The following COX17 variants were observed in gnomAD, a reference collection of about 807,000 sequenced individuals.
COX17 encodes cytochrome c oxidase copper chaperone COX17.
A neutral mutation model predicts 6.3 loss-of-function variants in COX17; 1 was observed. That is an observed-to-expected ratio of 0.16 (90% CI 0.06 to 0.75). COX17 has a LOEUF of 0.75. COX17 is among the 30% of genes least tolerant of loss of function. The probability of loss-of-function intolerance (pLI) is 0.77; values close to 1 mark genes in which losing one functional copy is unlikely to be tolerated. For synonymous variants in COX17, 26 were observed against 30.5 expected, an observed-to-expected ratio of 0.85 and a Z score of 0.49; for missense variants, 73 against 81.2, an observed-to-expected ratio of 0.90 and a Z score of 0.39.
At chr3:119,673,545 G>A (rs1463696897) in intron 2 of COX17, among the ~76,000 whole-genome samples, 2 of 152,190 alleles carry the variant, frequency 1.3e-5, no homozygotes, top group Non-Finnish European at 2.9e-5. Flanking sequence ...CTACCAGACT[G>A]GCAAGTGCAG....
intron 2 of COX17, among the ~76,000 whole-genome samples, chr3:119,671,598 T>C (rs1397714360): frequency 6.6e-6 from 1 of 152,222 alleles, no homozygotes; most frequent in Non-Finnish European, 1.5e-5. Context: ...GCCAATGGCC[T>C]GTTTACTGGG....
intron 1 of COX17, among the ~76,000 whole-genome samples, chr3:119,676,522 T>G (rs2053101643): frequency 6.6e-6 from 1 of 152,254 alleles, no homozygotes; most frequent in Non-Finnish European, 1.5e-5. Flanking sequence ...ATTGACAATC[T>G]AGATGAACTA....
At chr3:119,677,179 G>A in intron 1 of COX17, 25 bp downstream of exon 1, 2 of 1,587,778 alleles carry the variant, frequency 1.3e-6, no homozygotes, top group Non-Finnish European at 1.7e-6. Flanking sequence ...CTCGTCGGCC[G>A]CGCCCTCTCC....
At chr3:119,677,091 G>A (rs1460094405) in intron 1 of COX17, 113 bp downstream of exon 1, 6 of 613,330 alleles carry the variant, frequency 9.8e-6, no homozygotes, top group Non-Finnish European at 1.7e-5. Context: ...AGGGCAGAAG[G>A]CAGAGGGCAG....
chr3:119,664,679 C>A (rs1331877877), downstream of COX17, among the ~76,000 whole-genome samples: 1 of 152,196 alleles, frequency 6.6e-6, no homozygotes, highest in African/African-American at 2.4e-5. Context: ...CATGCTGGTT[C>A]ATGCTGGGGT....
intron 2 of COX17, among the ~76,000 whole-genome samples, chr3:119,671,605 T>C (rs946804490): frequency 6.6e-6 from 1 of 152,218 alleles, no homozygotes; most frequent in Non-Finnish European, 1.5e-5. Flanking sequence ...GCCTGTTTAC[T>C]GGGTTATATG....
At chr3:119,673,599 C>T (rs1480747679) in intron 2 of COX17, among the ~76,000 whole-genome samples, 2 of 152,100 alleles carry the variant, frequency 1.3e-5, no homozygotes, top group Non-Finnish European at 2.9e-5. Context: ...TAGGACAGCA[C>T]CATGATAGAG....
downstream of COX17, among the ~76,000 whole-genome samples, chr3:119,667,148 G>A (rs185989978): frequency 3.9e-5 from 6 of 152,302 alleles, no homozygotes; most frequent in African/African-American, 1.4e-4. Context: ...AGAGAGAATA[G>A]TGTGAATATA....
chr3:119,677,354 T>C lies in COX17; in HGVS notation c.-44A>G, dbSNP rs1215019114. The C allele has an allele frequency of 2.6e-6, 4 of 1,533,670 alleles. No homozygotes were observed. In the South Asian group the frequency reaches 3.4e-5, roughly 13 times the overall value. ...CTATGAGCGGAGACAGCCAAATCTA[T>C]GCCAGCCTCGGCAAACGCCGATTCG... On this transcript the variant is annotated 5_prime_UTR_variant, in exon 1 of 3. Transcript: ENST00000261070.
intron 1 of COX17, 42 bp downstream of exon 1, chr3:119,677,161 GC>G (rs2107837055): frequency 6.5e-7 from 1 of 1,529,792 alleles, no homozygotes; most frequent in East Asian, 2.3e-5. Flanking sequence ...ACAGGCCGCG[GC>G]CCGGGGCTCG....
intron 1 of COX17, among the ~76,000 whole-genome samples, chr3:119,676,018 T>C (rs1042301445): frequency 6.6e-6 from 1 of 152,240 alleles, no homozygotes; most frequent in Non-Finnish European, 1.5e-5. Context: ...GTGAAGATAA[T>C]AGCTAGCATT....
At chr3:119,667,570 T>C, downstream of COX17, among the ~76,000 whole-genome samples, 1 of 152,062 alleles carries the variant, frequency 6.6e-6, no homozygotes, top group Non-Finnish European at 1.5e-5. Context: ...ACGCATGGCC[T>C]CTGGCCCATC....
At chr3:119,666,499 G>C (rs1311647437), downstream of COX17, among the ~76,000 whole-genome samples, 1 of 152,180 alleles carries the variant, frequency 6.6e-6, no homozygotes. Flanking sequence ...AATTGACATA[G>C]ATGGAATATC....
At chr3:119,675,118 TAC>T in intron 2 of COX17, 25 bp downstream of exon 2, 1 of 1,488,202 alleles carries the variant, frequency 6.7e-7, no homozygotes, top group South Asian at 1.1e-5. Context: ...TGTAAAGCAA[TAC>T]ACAACTTTGA....
chr3:119,668,375 A>C (rs2053012584), downstream of COX17, among the ~76,000 whole-genome samples: 1 of 152,172 alleles, frequency 6.6e-6, no homozygotes, highest in Admixed American at 6.5e-5. Flanking sequence ...CACCTAGATT[A>C]TCTCTGTAAA....
intron 1 of COX17, 82 bp from the exon 2 acceptor site, chr3:119,675,315 A>G: frequency 1.1e-6 from 1 of 941,106 alleles, no homozygotes. Flanking sequence ...GGAGTGAGAC[A>G]AAACACGGGT....
At chr3:119,672,703 A>C (rs2053057094) in intron 2 of COX17, among the ~76,000 whole-genome samples, 1 of 152,240 alleles carries the variant, frequency 6.6e-6, no homozygotes, top group Non-Finnish European at 1.5e-5. Context: ...AAGCAACTTA[A>C]GTATATCATT....
downstream of COX17, among the ~76,000 whole-genome samples, chr3:119,667,728 C>G (rs62265881): frequency 0.015 from 1,010 of 67,518 alleles, 9 homozygotes; most frequent in African/African-American, 0.034. Context: ...CACACACACA[C>G]AGAGAGAGAG....
chr3:119,670,913 G>A (rs907141770), intron 2 of COX17, among the ~76,000 whole-genome samples: 1 of 151,762 alleles, frequency 6.6e-6, no homozygotes, highest in Non-Finnish European at 1.5e-5. Context: ...GGTTCTTTAG[G>A]CTTCTTCTGT....
Sources: gnomAD v4.1 joint callset for allele counts (sites outside exome capture counted in the v4.1 genomes callset) on GRCh38, gnomAD v4.1.1 for gene constraint, MANE v1.5 for transcripts, NCBI Gene and HGNC (gene_info 2026-07-23, HGNC 2026-07-21) for gene names.